Variants in RORB observed in about 807,000 individuals in gnomAD.
The protein encoded by RORB is RAR related orphan receptor B, also known as nuclear receptor ROR-beta.
A neutral mutation model predicts 59.1 loss-of-function variants in RORB; 6 were observed. That is an observed-to-expected ratio of 0.10 (90% CI 0.06 to 0.20). The LOEUF (loss-of-function observed/expected upper bound fraction) is 0.20, where lower values mean the gene tolerates loss of function less well. Ranked by LOEUF, RORB falls within the 10% of genes least tolerant of loss-of-function variation. The probability of loss-of-function intolerance (pLI) is 1.00; values close to 1 mark genes in which losing one functional copy is unlikely to be tolerated. For missense variants in RORB, 320 were observed against 560.5 expected, an observed-to-expected ratio of 0.57 and a Z score of 4.33; for synonymous variants, 215 against 204.5, an observed-to-expected ratio of 1.05 and a Z score of -0.44.
chr9:74,502,776 G>A (rs1388070852), intron 1 of RORB, among the ~76,000 whole-genome samples: 1 of 151,990 alleles, frequency 6.6e-6, no homozygotes, highest in Non-Finnish European at 1.5e-5. Flanking sequence ...TAGGAAATAA[G>A]AATTAATTCC....
intron 1 of RORB, among the ~76,000 whole-genome samples, chr9:74,601,223 C>T (rs543683408): frequency 6.6e-6 from 1 of 151,950 alleles, no homozygotes; most frequent in South Asian, 2.1e-4. Flanking sequence ...TTAGAAACAA[C>T]TTAAACATTC....
intron 1 of RORB, among the ~76,000 whole-genome samples, chr9:74,625,842 T>C (rs1823503046): frequency 6.6e-6 from 1 of 152,128 alleles, no homozygotes; most frequent in Non-Finnish European, 1.5e-5. Flanking sequence ...AGGGTGAGAA[T>C]TGAGAGCCAT....
intron 1 of RORB, among the ~76,000 whole-genome samples, chr9:74,628,792 T>C (rs1823564793): frequency 6.6e-6 from 1 of 152,218 alleles, no homozygotes; most frequent in East Asian, 1.9e-4. Context: ...TCTTCTAGTG[T>C]GTATAATTTT....
At chr9:74,544,072 A>C (rs1040584497) in intron 1 of RORB, among the ~76,000 whole-genome samples, 3 of 152,190 alleles carry the variant, frequency 2.0e-5, no homozygotes, top group African/African-American at 7.2e-5. Context: ...AGAGCCAGTG[A>C]AATGTACTGT....
chr9:74,598,787 A>G (rs1823011315), intron 1 of RORB, among the ~76,000 whole-genome samples: 1 of 152,206 alleles, frequency 6.6e-6, no homozygotes, highest in African/African-American at 2.4e-5. Flanking sequence ...TTATAAAGAA[A>G]AGAGGTTTAT....
intron 2 of RORB, among the ~76,000 whole-genome samples, chr9:74,632,227 G>A (rs1823630986): frequency 6.6e-6 from 1 of 152,062 alleles, no homozygotes; most frequent in Admixed American, 6.6e-5. Flanking sequence ...AAGAACAAGT[G>A]TCATCTTTTC....
chr9:74,622,670 G>C (rs1308401475), intron 1 of RORB, among the ~76,000 whole-genome samples: 1 of 151,672 alleles, frequency 6.6e-6, no homozygotes, highest in Admixed American at 6.6e-5. Flanking sequence ...GGGACTACAG[G>C]TGCGCACCAC....
chr9:74,552,645 TATC>T (rs1170260481), intron 1 of RORB, among the ~76,000 whole-genome samples: 2 of 152,030 alleles, frequency 1.3e-5, no homozygotes, highest in Non-Finnish European at 2.9e-5. Flanking sequence ...TAGAAAATGA[TATC>T]ATGTTTATAA....
chr9:74,576,615 T>C (rs1038812479), intron 1 of RORB, among the ~76,000 whole-genome samples: 6 of 152,132 alleles, frequency 3.9e-5, no homozygotes, highest in African/African-American at 1.4e-4. Flanking sequence ...TTTGGAAAAG[T>C]ATCCATCAAT....
intron 2 of RORB, among the ~76,000 whole-genome samples, chr9:74,632,010 G>A (rs947422378): frequency 6.6e-6 from 1 of 152,128 alleles, no homozygotes; most frequent in Admixed American, 6.5e-5. Flanking sequence ...AATCTTGAGA[G>A]CTCTGGTTTA....
intron 4 of RORB, among the ~76,000 whole-genome samples, chr9:74,656,670 AG>A (rs1228136371): frequency 6.6e-6 from 1 of 152,170 alleles, no homozygotes; most frequent in African/African-American, 2.4e-5. Context: ...CGAGAAGTGG[AG>A]GTTGCAGTGA....
intron 1 of RORB, among the ~76,000 whole-genome samples, chr9:74,560,515 G>C (rs1439213591): frequency 6.8e-6 from 1 of 147,066 alleles, no homozygotes; most frequent in Non-Finnish European, 1.5e-5. Context: ...CTTTTTCATA[G>C]ATCTAAGAAA....
chr9:74,619,685 C>T (rs1378231028), intron 1 of RORB, among the ~76,000 whole-genome samples: 2 of 152,108 alleles, frequency 1.3e-5, no homozygotes, highest in South Asian at 2.1e-4. Context: ...CTCCTGACCT[C>T]ATGATCTGCC....
intron 1 of RORB, among the ~76,000 whole-genome samples, chr9:74,590,078 G>A (rs1822864385): frequency 6.6e-6 from 1 of 152,174 alleles, no homozygotes; most frequent in South Asian, 2.1e-4. Flanking sequence ...CTACCTCAAT[G>A]AGGCAATGTA....
chr9:74,657,807 C>A (rs770320525), intron 4 of RORB, among the ~76,000 whole-genome samples: 3 of 151,936 alleles, frequency 2.0e-5, no homozygotes, highest in Non-Finnish European at 4.4e-5. Flanking sequence ...GAGTTTGGGA[C>A]CAGCCTGGCC....
rs1301933975 is a variant in RORB, at chr9:74,690,621, G to C, written c.*5003G>C. On this transcript the variant is annotated 3_prime_UTR_variant, in exon 10 of 10. Transcript: ENST00000376896. ...CGCATCTGGGGCCAGCTCAACTGCA[G>C]CAAGTCTGGTCAGATTCAACCCTGG... The C allele has an allele frequency of 1.3e-5, 2 of 152,190 alleles. No homozygotes were observed. The highest frequency in any genetic ancestry group is 1.3e-4 in the Admixed American group (2 of 15,276). 9.4% of individuals were successfully genotyped at this position (152,190 alleles called of 1,614,324 possible).
chr9:74,642,545 A>G lies in RORB; in HGVS notation c.367A>G (p.Ser123Gly), dbSNP rs1254878311. Residue 123 changes from serine (S) to glycine (G), a missense_variant, in exon 4 of 10, where the codon AGC (serine) becomes GGC (glycine). This residue lies in a region of RORB where 134 missense variants were observed against 156.2 expected (regional missense o/e 0.86). Coordinates refer to ENST00000376896, the MANE Select transcript of RORB (RefSeq NM_006914.4). ...GEAEALARVY[S>G]SSISNGLSNL... ...GGCAGAAGCCCTTGCCAGGGTGTAC[A>G]GCAGCAGCATTAGCAACGGCCTGAG... 1 of 1,614,216 alleles carries G rather than the reference A, an allele frequency of 6.2e-7. No individual in the cohort carries two copies. Among genetic ancestry groups the G allele is most frequent in the South Asian group, 1.1e-5 (1 of 91,084 alleles).
chr9:74,630,498 C>G, intron 2 of RORB, 131 bp downstream of exon 2: 24 of 418,570 alleles, frequency 5.7e-5, no homozygotes, highest in East Asian at 1.3e-4. Context: ...TTCAGGAATT[C>G]TTGCGTGGTG....
intron 1 of RORB, among the ~76,000 whole-genome samples, chr9:74,513,838 A>G (rs1825974349): frequency 6.6e-6 from 1 of 152,158 alleles, no homozygotes; most frequent in Non-Finnish European, 1.5e-5. Context: ...TTTAATATAT[A>G]AAATCTAAAA....
Sources: gnomAD v4.1 joint callset for allele counts (sites outside exome capture counted in the v4.1 genomes callset) on GRCh38, gnomAD v4.1.1 for gene constraint, gnomAD v4.1.1 regional missense constraint, MANE v1.5 for transcripts, NCBI Gene and HGNC (gene_info 2026-07-23, HGNC 2026-07-21) for gene names.